The following SPHKAP variants were observed in gnomAD, a reference collection of about 807,000 sequenced individuals.
The protein encoded by SPHKAP is A-kinase anchor protein SPHKAP.
Under a neutral mutation model 137.5 loss-of-function variants are expected in SPHKAP, and 67 were observed. The ratio of observed to expected loss-of-function variants is 0.49; its 90% CI spans 0.40 to 0.60. The LOEUF is 0.60. Ranked by LOEUF, SPHKAP falls within the 20% of genes least tolerant of loss-of-function variation. The pLI is 0.00. For synonymous variants in SPHKAP, 813 were observed against 785.3 expected (o/e 1.04, Z -0.59); for missense variants, 2,097 against 2,069.3 (o/e 1.01, Z -0.26).
At chr2:228,162,818 C>T (rs2066841521) in intron 1 of SPHKAP, among the ~76,000 whole-genome samples, 1 of 152,210 alleles carries the variant, frequency 6.6e-6, no homozygotes, top group Admixed American at 6.5e-5. Context: ...CCTGCCTCAG[C>T]CTCCCAAGTA....
chr2:228,118,490 T>G (rs1260407446), intron 2 of SPHKAP, among the ~76,000 whole-genome samples: 1 of 152,104 alleles, frequency 6.6e-6, no homozygotes, highest in African/African-American at 2.4e-5. Context: ...CAGCGAGGTA[T>G]GAGAGTCCAA....
intron 1 of SPHKAP, among the ~76,000 whole-genome samples, chr2:228,156,301 A>C (rs1215045983): frequency 4.6e-5 from 7 of 152,204 alleles, no homozygotes; most frequent in Non-Finnish European, 1.0e-4. Flanking sequence ...GATGGAATGA[A>C]GTTTATTGCT....
At chr2:228,050,796 C>A (rs1696227059) in intron 3 of SPHKAP, among the ~76,000 whole-genome samples, 1 of 151,920 alleles carries the variant, frequency 6.6e-6, no homozygotes, top group Non-Finnish European at 1.5e-5. Context: ...TATATTCCCC[C>A]ACTCCACCTT....
chr2:228,026,986 T>A (rs12479233), intron 4 of SPHKAP, among the ~76,000 whole-genome samples: 89,022 of 152,048 alleles, frequency 0.59, 26,888 homozygotes, highest in African/African-American at 0.74. Context: ...AGCAGGCTCT[T>A]GTTCCAGAGG....
intron 3 of SPHKAP, among the ~76,000 whole-genome samples, chr2:228,104,831 A>G (rs144443605): frequency 6.6e-6 from 1 of 152,344 alleles, no homozygotes; most frequent in East Asian, 1.9e-4. Context: ...ATGAATAGAA[A>G]TAATGTGAAT....
At position 228,019,485 on chromosome 2, in the gene SPHKAP, C is replaced by T; in HGVS notation, c.1369G>A (p.Asp457Asn). Residue 457 changes from aspartate to asparagine, a missense_variant, in exon 7 of 12, where the codon GAT (aspartate) becomes AAT (asparagine). By Grantham distance (23) the Asp-to-Asn change is conservative. Transcript: ENST00000392056. ...LPKIVVVQSPDGSDAAPQPGI... is the reference protein window; with the variant it reads ...LPKIVVVQSPNGSDAAPQPGI... ...GGCTGTGGGGCAGCATCACTGCCAT[C>T]TGGACTCTGAACAACGACGATTTTG... 1 of 1,614,162 alleles carries T rather than the reference C, an allele frequency of 6.2e-7. No individual in the cohort carries two copies. The highest frequency in any genetic ancestry group is 8.5e-7 in the Non-Finnish European group (1 of 1,180,024).
rs138003596 is a variant in SPHKAP, at chr2:228,145,605, A to G, written c.33-13520T>C. On this transcript the variant is annotated intron_variant, in intron 1 of 11. Transcript: ENST00000392056. Reference sequence around the variant, plus strand: ...TACAATTATAGATTATTTCCACTTAATTTAGGTAACAATTCCCATCATGAA... The same window carrying G: ...TACAATTATAGATTATTTCCACTTAGTTTAGGTAACAATTCCCATCATGAA... 2.6e-3 allele frequency among the ~76,000 whole-genome samples: 397 copies of G among 152,212 alleles called. 4 individuals carry two copies. Among genetic ancestry groups the G allele is most frequent in the Non-Finnish European group, 4.8e-3 (327 of 68,004 alleles).
chr2:228,164,413 A>G (rs1368813007), intron 1 of SPHKAP, among the ~76,000 whole-genome samples: 2 of 152,178 alleles, frequency 1.3e-5, no homozygotes, highest in Non-Finnish European at 2.9e-5. Flanking sequence ...TCATGTATAC[A>G]TATGTCCTAT....
Position 228,181,652 on chromosome 2 carries a change from T to TG in SPHKAP, c.-55dup. 3.1e-6 allele frequency: 5 copies of TG among 1,614,016 alleles called. No individual in the cohort carries two copies. The highest frequency in any genetic ancestry group is 4.2e-6 in the Non-Finnish European group (5 of 1,179,968). ...GGAAAGTGCAGGCGAAGGATAAGTC[T>TG]GTGGTGCTAGGACCCAGCTCCCAGA... is the stretch of plus-strand genomic sequence containing the variant. On this transcript the variant is annotated 5_prime_UTR_variant, in exon 1 of 12. Coordinates refer to ENST00000392056, the MANE Select transcript of SPHKAP (RefSeq NM_001142644.2). This position sits in a 1 kb window ranked among gnomAD's most constrained non-coding sequence, Gnocchi z 4.3.
chr2:228,054,255 T>C (rs10171685), intron 3 of SPHKAP, among the ~76,000 whole-genome samples: 58,126 of 151,818 alleles, frequency 0.38, 11,580 homozygotes, highest in South Asian at 0.5. Flanking sequence ...TTTGGAAAAA[T>C]CCTGAATTGT....
intron 2 of SPHKAP, among the ~76,000 whole-genome samples, chr2:228,110,321 A>C (rs1418921636): frequency 6.6e-6 from 1 of 151,966 alleles, no homozygotes; most frequent in East Asian, 1.9e-4. Context: ...AAATGTTATC[A>C]TTTATAATAA....
At chr2:228,133,454 T>A (rs907275833) in intron 1 of SPHKAP, among the ~76,000 whole-genome samples, 12 of 152,178 alleles carry the variant, frequency 7.9e-5, no homozygotes, top group Admixed American at 3.3e-4. Context: ...ATATAAAAAA[T>A]TATCTAAATG....
chr2:228,044,931 G>T (rs1037069995), intron 3 of SPHKAP, among the ~76,000 whole-genome samples: 1 of 151,948 alleles, frequency 6.6e-6, no homozygotes, highest in African/African-American at 2.4e-5. Context: ...TCAAAAAGTG[G>T]GCAAAGGATA....
intron 1 of SPHKAP, among the ~76,000 whole-genome samples, chr2:228,142,514 A>G (rs901991300): frequency 1.3e-5 from 2 of 152,106 alleles, no homozygotes; most frequent in East Asian, 3.9e-4. Flanking sequence ...GGATATTATC[A>G]GCCATAAAAA....
At position 228,021,945 on chromosome 2, in the gene SPHKAP, A is replaced by C; in HGVS notation, c.463T>G (p.Cys155Gly). 1 of 1,602,292 alleles carries C rather than the reference A, an allele frequency of 6.2e-7. No homozygotes were observed. Among genetic ancestry groups the C allele is most frequent in the Non-Finnish European group, 8.5e-7 (1 of 1,174,732 alleles). The change falls in exon 6 of 12, where the codon TGC becomes GGC. Residue 155 changes from cysteine (C) to glycine (G), a missense_variant. Transcript: ENST00000392056. ...VSQCPWLPDI[C>G]LVQCARGNRP... is the part of the protein sequence containing the mutation. ...TTCCCTCTTGCACATTGGACCAAGCAGATATCTGGCAGCCAAGGGCACTAA... is the reference window on the plus strand; with the variant it reads ...TTCCCTCTTGCACATTGGACCAAGCCGATATCTGGCAGCCAAGGGCACTAA...
intron 2 of SPHKAP, among the ~76,000 whole-genome samples, chr2:228,130,877 C>T (rs13432089): frequency 0.34 from 52,034 of 151,958 alleles, 9,193 homozygotes; most frequent in East Asian, 0.51. Context: ...ATAGATCATA[C>T]AACATGTGTT....
chr2:228,020,755 T>C (rs1694812652), intron 6 of SPHKAP, among the ~76,000 whole-genome samples: 1 of 152,146 alleles, frequency 6.6e-6, no homozygotes, highest in African/African-American at 2.4e-5. Context: ...GCATTGACTT[T>C]TTTTCCCCCT....
In SPHKAP at chr2:228,164,258, G is replaced by C. The variant is rs569986766; in HGVS notation, c.32+17309C>G. Among the ~76,000 whole-genome samples, 7 of 152,226 alleles carry C rather than the reference G, an allele frequency of 4.6e-5. No individual in the cohort carries two copies. The East Asian group carries it at 9.7e-4, about 21-fold the overall frequency. ...TCAGGCCTTCAACCACAGGCTGAAG[G>C]CTGCACTGTTGGCTTCCCTGGTCTG... On this transcript the variant is annotated intron_variant, in intron 1 of 11. Coordinates refer to ENST00000392056, the MANE Select transcript of SPHKAP (RefSeq NM_001142644.2).
At chr2:228,067,389 T>C (rs1696861420) in intron 3 of SPHKAP, among the ~76,000 whole-genome samples, 1 of 152,220 alleles carries the variant, frequency 6.6e-6, no homozygotes, top group Non-Finnish European at 1.5e-5. Flanking sequence ...AAATATAAAA[T>C]TCAATATAGG....
Sources: gnomAD v4.1 joint callset for allele counts (sites outside exome capture counted in the v4.1 genomes callset) on GRCh38, gnomAD v4.1.1 for gene constraint, Gnocchi (gnomAD v3.1) non-coding constraint, MANE v1.5 for transcripts, NCBI Gene and HGNC (gene_info 2026-07-23, HGNC 2026-07-21) for gene names.